Variants in LMLN observed in about 807,000 individuals in gnomAD.
LMLN encodes the protein leishmanolysin like peptidase.
In LMLN, 70 loss-of-function variants were observed where a neutral mutation model predicts 92.3. The observed-to-expected ratio is 0.76, with a 90% confidence interval of 0.63 to 0.92. LMLN has a LOEUF of 0.92. Among genes scored for constraint, LMLN ranks in the 40% least tolerant of loss-of-function variants. LMLN has a pLI of 0.00. For missense variants in LMLN, 691 were observed against 814.6 expected, an observed-to-expected ratio of 0.85 and a Z score of 1.85; for synonymous variants, 308 against 296.2, an observed-to-expected ratio of 1.04 and a Z score of -0.41.
intron 13 of LMLN, 45 bp from the exon 15 acceptor site, chr3:198,024,613 G>C (rs942755279): frequency 6.7e-7 from 1 of 1,496,906 alleles, no homozygotes; most frequent in African/African-American, 1.4e-5. Flanking sequence ...CTTGTTCTTT[G>C]AGCCAAAAGT....
chr3:197,967,549 A>G (rs2062559295), intron 1 of LMLN, among the ~76,000 whole-genome samples: 1 of 152,250 alleles, frequency 6.6e-6, no homozygotes, highest in Non-Finnish European at 1.5e-5. Flanking sequence ...GGCAAAGGGC[A>G]AAGCAAAGAT....
chr3:198,035,793 A>C, intron 14 of LMLN, 40 bp from the exon 16 acceptor site: 1 of 1,422,164 alleles, frequency 7.0e-7, no homozygotes, highest in Non-Finnish European at 9.8e-7. Flanking sequence ...CTGACCTGAT[A>C]TTTATTATTT....
intron 11 of LMLN, among the ~76,000 whole-genome samples, chr3:198,010,716 G>A (rs1180274095): frequency 6.6e-6 from 1 of 152,174 alleles, no homozygotes; most frequent in Non-Finnish European, 1.5e-5. Flanking sequence ...CTCCCAAAGT[G>A]CTGGGATTAT....
At chr3:197,982,310 C>T (rs1217787507) in intron 6 of LMLN, among the ~76,000 whole-genome samples, 3 of 149,464 alleles carry the variant, frequency 2.0e-5, no homozygotes, top group Admixed American at 6.7e-5. Context: ...ACTGCAGCCT[C>T]GACCTCCTGG....
chr3:197,994,493 G>A (rs1721963473), intron 9 of LMLN: 1 of 152,112 alleles, frequency 6.6e-6, no homozygotes, highest in African/African-American at 2.4e-5. Flanking sequence ...TTGTGAACAG[G>A]TACGTGAAAA....
At chr3:198,041,775 AT>A (rs1240652963) in exon 16 of LMLN, 1 of 152,214 alleles carries the variant, frequency 6.6e-6, no homozygotes, top group Non-Finnish European at 1.5e-5. Context: ...TGAATGAAGA[AT>A]TTTACCAAAA....
rs574411607 is a variant in LMLN at position 198,002,544 on chromosome 3, T to G, written c.1232+3202T>G. Among the ~76,000 whole-genome samples, 51 of 152,266 alleles carry G rather than the reference T, an allele frequency of 3.3e-4. 1 individual carries two copies. The highest frequency in any genetic ancestry group is 1.0e-4 in the Non-Finnish European group (7 of 68,014). On this transcript the variant is annotated intron_variant, in intron 11 of 15. Transcript: ENST00000330198. ...CCTGAGATCAGGAGTTTGAGACCAG[T>G]GTGGCAAACATAGTGAAACCCCGTC...
chr3:197,977,615 C>T, intron 5 of LMLN, among the ~76,000 whole-genome samples: 1 of 151,342 alleles, frequency 6.6e-6, no homozygotes, highest in African/African-American at 2.4e-5. Flanking sequence ...ATCAAACAAT[C>T]TGGAAGCACA....
In LMLN at chr3:197,960,391, C is replaced by T. The variant is rs758130698; in HGVS notation, c.170C>T (p.Ser57Phe). The change falls in exon 1 of 16, where the codon TCC becomes TTC. Residue 57 changes from serine to phenylalanine, a missense_variant. This residue lies in a region of LMLN where 240 missense variants were observed against 287.3 expected (regional missense o/e 0.84). Coordinates refer to ENST00000330198, the Ensembl canonical transcript of LMLN. ...GCCAGCGCCACATCTACTCCCGTCT[C>T]CTTGGGCAGTTCCCCTCCCTGCCGG... is the stretch of plus-strand genomic sequence containing the variant. 1.2e-5 allele frequency: 19 copies of T among 1,613,884 alleles called. No homozygotes were observed. The East Asian group carries it at 4.0e-4, about 34-fold the overall frequency.
At chr3:197,971,742 G>T (rs542927594) in intron 1 of LMLN, among the ~76,000 whole-genome samples, 1 of 151,930 alleles carries the variant, frequency 6.6e-6, no homozygotes, top group Non-Finnish European at 1.5e-5. Context: ...GAACCACCAC[G>T]CCCAGCCTTG....
intron 11 of LMLN, among the ~76,000 whole-genome samples, chr3:198,001,301 C>T (rs778527852): frequency 6.6e-6 from 1 of 152,102 alleles, no homozygotes; most frequent in African/African-American, 2.4e-5. Flanking sequence ...GCCTACCATG[C>T]GACAAATGCT....
chr3:197,996,954 G>A (rs1229793796), intron 10 of LMLN, among the ~76,000 whole-genome samples: 2 of 151,798 alleles, frequency 1.3e-5, no homozygotes, highest in Non-Finnish European at 2.9e-5. Flanking sequence ...GCCTACTCTA[G>A]TCTGTGTGTT....
At chr3:197,984,459 A>G (rs541561167) in intron 7 of LMLN, among the ~76,000 whole-genome samples, 13 of 152,036 alleles carry the variant, frequency 8.6e-5, no homozygotes, top group Admixed American at 2.6e-4. Context: ...TTGGAAGTAT[A>G]TAGATACGGC....
At chr3:198,014,127 G>C (rs1294535871) in intron 11 of LMLN, among the ~76,000 whole-genome samples, 5 of 131,558 alleles carry the variant, frequency 3.8e-5, no homozygotes, top group South Asian at 2.6e-4. Flanking sequence ...TGACTTCTCT[G>C]TACCCTTCAG....
At chr3:197,985,690 G>T in intron 7 of LMLN, 106 bp from the exon 8 acceptor site, 1 of 636,150 alleles carries the variant, frequency 1.6e-6, no homozygotes, top group Non-Finnish European at 2.8e-6. Context: ...AAGCACTGGC[G>T]TGGTGCTTCT....
At chr3:198,024,277 A>G (rs191398489) in intron 13 of LMLN, among the ~76,000 whole-genome samples, 13,199 of 144,708 alleles carry the variant, frequency 0.091, 711 homozygotes, top group African/African-American at 0.15. Flanking sequence ...GTGCAGTGGT[A>G]CAATCTCGGC....
intron 10 of LMLN, among the ~76,000 whole-genome samples, chr3:197,998,957 A>T (rs1228455795): frequency 2.0e-5 from 3 of 152,196 alleles, no homozygotes; most frequent in Admixed American, 1.3e-4. Context: ...TTACCTGGAG[A>T]GTATAATATT....
Position 198,025,196 on chromosome 3 carries a change from G to A in LMLN, c.1656+408G>A, listed in dbSNP as rs1190932075. Among the ~76,000 whole-genome samples, 1 of 152,180 alleles carries A rather than the reference G, an allele frequency of 6.6e-6. No individual in the cohort carries two copies. The highest frequency in any genetic ancestry group is 1.5e-5 in the Non-Finnish European group (1 of 68,030). ...CACGCCTGTAATCCCAGCACTTTGG[G>A]AGGCTGAGCCAGGAGGATTGCTTGA... On this transcript the variant is annotated intron_variant, in intron 14 of 15. Coordinates refer to ENST00000330198, the Ensembl canonical transcript of LMLN. The surrounding 1 kb of genome is among the most constrained non-coding windows in gnomAD (Gnocchi z 4.3).
chr3:197,989,805 T>C (rs1721814754), intron 8 of LMLN, among the ~76,000 whole-genome samples: 5 of 152,234 alleles, frequency 3.3e-5, no homozygotes, highest in Admixed American at 3.3e-4. Flanking sequence ...AAAGATGGCT[T>C]GAGGCCAGGA....
Sources: allele counts gnomAD v4.1 joint callset (sites outside exome capture counted in the v4.1 genomes callset), GRCh38; gene constraint gnomAD v4.1.1; regional missense constraint gnomAD v4.1.1; non-coding constraint Gnocchi (gnomAD v3.1); transcripts MANE v1.5; gene names NCBI Gene and HGNC (gene_info 2026-07-23, HGNC 2026-07-21).